Variants in FGF14 observed in about 807,000 individuals in gnomAD.
The protein encoded by FGF14 is fibroblast growth factor 14.
FGF14 carries 5 observed loss-of-function variants against 25.5 expected under a neutral mutation model. The ratio of observed to expected loss-of-function variants is 0.20; its 90% CI spans 0.10 to 0.41. The LOEUF is 0.41. Ranked by LOEUF, FGF14 falls within the 10% of genes least tolerant of loss-of-function variation. The pLI, the probability that FGF14 is intolerant of heterozygous loss-of-function variation, is 1.00. For synonymous variants in FGF14, 138 were observed against 118.3 expected, an observed-to-expected ratio of 1.17 and a Z score of -1.08; for missense variants, 222 against 320.1, an observed-to-expected ratio of 0.69 and a Z score of 2.34.
chr13:102,385,913 T>C (rs2058290133), intron 1 of FGF14, among the ~76,000 whole-genome samples: 1 of 152,192 alleles, frequency 6.6e-6, no homozygotes, highest in Non-Finnish European at 1.5e-5. Context: ...TTTCACTATT[T>C]AGCAGCTTAA....
At position 102,359,155 on chromosome 13, in the gene FGF14, T is replaced by C. The variant is rs571426053; in HGVS notation, c.208+42316A>G. 2.0e-5 allele frequency among the ~76,000 whole-genome samples: 3 copies of C among 151,562 alleles called. No individual in the cohort carries two copies. In the South Asian group the frequency reaches 6.3e-4, roughly 32 times the overall value. ...GGCACAGGGAAGGGAACAACACACA[T>C]TGGGACCTGTCAGTGGGGGTGGGGG... On this transcript the variant is annotated intron_variant, in intron 1 of 4. Transcript: ENST00000376131.
chr13:101,848,237 T>G (rs1006908927), intron 3 of FGF14, among the ~76,000 whole-genome samples: 4 of 151,948 alleles, frequency 2.6e-5, no homozygotes, highest in African/African-American at 7.2e-5. Flanking sequence ...AGATATGCAT[T>G]TTACCTTTCA....
At chr13:101,726,890 T>C (rs2035474442) in intron 3 of FGF14, 80 bp from the exon 4 acceptor site, 1 of 1,121,222 alleles carries the variant, frequency 8.9e-7, no homozygotes, top group Non-Finnish European at 1.3e-6. Context: ...CTAGAAAGTT[T>C]CCCAGCATGG....
chr13:101,965,935 C>T lies in FGF14; in HGVS notation c.209-90639G>A, dbSNP rs147856717. Among the ~76,000 whole-genome samples the T allele has an allele frequency of 1.3e-3, 192 of 152,164 alleles. No homozygotes were observed. The Middle Eastern group carries it at 0.014, about 11-fold the overall frequency. On this transcript the variant is annotated intron_variant, in intron 1 of 4. Transcript: ENST00000376131. Reference sequence around the variant, plus strand: ...AGAAAAAATAATTGGTAATTTTATACTTTTATAAGAAGTCAGCCAGATGTA... The same window carrying T: ...AGAAAAAATAATTGGTAATTTTATATTTTTATAAGAAGTCAGCCAGATGTA...
At chr13:102,294,775 T>C (rs1165786298) in intron 1 of FGF14, among the ~76,000 whole-genome samples, 1 of 152,186 alleles carries the variant, frequency 6.6e-6, no homozygotes, top group Non-Finnish European at 1.5e-5. Context: ...TAGACTGCCA[T>C]TGTCCAAGTT....
At chr13:102,061,268 C>G (rs2042676904) in intron 1 of FGF14, among the ~76,000 whole-genome samples, 1 of 152,226 alleles carries the variant, frequency 6.6e-6, no homozygotes, top group South Asian at 2.1e-4. Context: ...AAACCACTTG[C>G]AGACAGTAAA....
chr13:102,276,771 T>A (rs1390807994), intron 1 of FGF14, among the ~76,000 whole-genome samples: 3 of 152,180 alleles, frequency 2.0e-5, no homozygotes, highest in Non-Finnish European at 4.4e-5. Flanking sequence ...GAATGATATG[T>A]TTAGTTACTA....
chr13:102,069,590 C>A (rs1404040334), intron 1 of FGF14, among the ~76,000 whole-genome samples: 2 of 151,912 alleles, frequency 1.3e-5, no homozygotes, highest in South Asian at 2.1e-4. Flanking sequence ...ACAAGCCCAC[C>A]GGGAGGAACG....
intron 3 of FGF14, among the ~76,000 whole-genome samples, chr13:101,797,483 G>T (rs2040594286): frequency 6.6e-6 from 1 of 152,032 alleles, no homozygotes; most frequent in Non-Finnish European, 1.5e-5. Context: ...TATATAAATG[G>T]TAGGGTTGGG....
chr13:101,773,971 G>C (rs925564898), intron 3 of FGF14, among the ~76,000 whole-genome samples: 2 of 151,236 alleles, frequency 1.3e-5, no homozygotes, highest in African/African-American at 4.9e-5. Context: ...ATTAGTACTT[G>C]TTAAATCAAT....
In FGF14 at chr13:101,891,356, G is replaced by A. The variant is rs192562400; in HGVS notation, c.194-16060C>T. On this transcript the variant is annotated intron_variant, in intron 1 of 4. Transcript: ENST00000376143. ...TGGAGATGGGCCCTTTGCTCTCAGC[G>A]TTCAGATAGTGCCATCCCAGAATAC... Among the ~76,000 whole-genome samples the A allele has an allele frequency of 3.1e-3, 477 of 152,164 alleles. 1 individual carries two copies. The highest frequency in any genetic ancestry group is 5.6e-3 in the Non-Finnish European group (380 of 68,014).
intron 1 of FGF14, among the ~76,000 whole-genome samples, chr13:101,958,941 A>G (rs545712710): frequency 4.3e-4 from 65 of 152,290 alleles, no homozygotes; most frequent in African/African-American, 1.6e-3. Flanking sequence ...TATGGATAAG[A>G]CTTATTGAGA....
intron 1 of FGF14, among the ~76,000 whole-genome samples, chr13:101,916,153 G>C (rs961959962): frequency 2.0e-5 from 3 of 152,218 alleles, no homozygotes; most frequent in African/African-American, 4.8e-5. Flanking sequence ...CTATCCTCCC[G>C]GGAAGCCGAG....
chr13:102,025,433 G>T (rs73565750), intron 1 of FGF14, among the ~76,000 whole-genome samples: 4,840 of 150,802 alleles, frequency 0.032, 244 homozygotes, highest in African/African-American at 0.11. Context: ...TTTCTTTTTT[G>T]GAGACAGATC....
chr13:102,037,330 G>T (rs936582034), intron 1 of FGF14, among the ~76,000 whole-genome samples: 1 of 152,034 alleles, frequency 6.6e-6, no homozygotes, highest in Non-Finnish European at 1.5e-5. Context: ...AGTCTCTAAG[G>T]AACAGTCTGT....
intron 1 of FGF14, among the ~76,000 whole-genome samples, chr13:102,042,206 G>T (rs1260022468): frequency 6.6e-6 from 1 of 152,192 alleles, no homozygotes; most frequent in Non-Finnish European, 1.5e-5. Flanking sequence ...GTCTGCATCT[G>T]CATGGCAGCT....
chr13:101,907,875 T>C (rs1253384024), intron 1 of FGF14, among the ~76,000 whole-genome samples: 2 of 152,228 alleles, frequency 1.3e-5, no homozygotes, highest in African/African-American at 2.4e-5. Flanking sequence ...TAATGCTAAA[T>C]TTGATGAGGT....
chr13:102,391,901 A>C (rs186768038), intron 1 of FGF14, among the ~76,000 whole-genome samples: 110 of 152,372 alleles, frequency 7.2e-4, no homozygotes, highest in African/African-American at 2.6e-3. Flanking sequence ...ATACAACTAA[A>C]GAAGATGAGT....
intron 3 of FGF14, among the ~76,000 whole-genome samples, chr13:101,777,482 T>C (rs1304153310): frequency 6.6e-6 from 1 of 152,142 alleles, no homozygotes; most frequent in Non-Finnish European, 1.5e-5. Flanking sequence ...GTTTGACATC[T>C]GAATTTAACT....
Sources: gnomAD v4.1 joint callset for allele counts (sites outside exome capture counted in the v4.1 genomes callset) on GRCh38, gnomAD v4.1.1 for gene constraint, MANE v1.5 for transcripts, NCBI Gene and HGNC (gene_info 2026-07-23, HGNC 2026-07-21) for gene names.